The following AKAP13 variants were observed in gnomAD, a reference collection of about 807,000 sequenced individuals.
AKAP13 encodes the protein A-kinase anchor protein 13.
In AKAP13, 80 loss-of-function variants were observed where a neutral mutation model predicts 264.5. The ratio of observed to expected loss-of-function variants is 0.30; its 90% CI spans 0.25 to 0.36. AKAP13 has a LOEUF of 0.36. AKAP13 is among the 10% of genes least tolerant of loss of function. The pLI is 1.00. For synonymous variants in AKAP13, 1,380 were observed against 1,250.2 expected, an observed-to-expected ratio of 1.10 and a Z score of -2.19; for missense variants, 3,712 against 3,435.2, an observed-to-expected ratio of 1.08 and a Z score of -2.01.
rs188140468 is a variant in AKAP13 at position 85,395,961 on chromosome 15, T to C, written c.-12+15163T>C. Among the ~76,000 whole-genome samples, 33 of 152,174 alleles carry C rather than the reference T, an allele frequency of 2.2e-4. No homozygotes were observed. The East Asian group carries it at 6.4e-3, about 29-fold the overall frequency. ...CCCAGCAACAATGGCACATAATAGT[T>C]GCTTCTCAAGAAATATATGGGTTGA... is the stretch of plus-strand genomic sequence containing the variant. On this transcript the variant is annotated intron_variant, in intron 1 of 36. Coordinates refer to ENST00000394518, the MANE Select transcript of AKAP13 (RefSeq NM_007200.5).
At chr15:85,678,667 G>A (rs2084392386) in intron 14 of AKAP13, among the ~76,000 whole-genome samples, 1 of 152,026 alleles carries the variant, frequency 6.6e-6, no homozygotes, top group African/African-American at 2.4e-5. Flanking sequence ...TTTGAGACCA[G>A]CCTGGCCAAC....
At position 85,581,699 on chromosome 15, in the gene AKAP13, G is replaced by C. The variant is rs771211494; in HGVS notation, c.3631G>C (p.Gly1211Arg). The C allele has an allele frequency of 1.3e-5, 21 of 1,614,026 alleles. No individual in the cohort carries two copies. The highest frequency in any genetic ancestry group is 1.4e-5 in the Non-Finnish European group (17 of 1,180,036). ...AGCCCATGATGATGGGGCCCCAGCT[G>C]GTGTGAGGGAAGTCATGCGAGCCCC... ...LSAHDDGAPA[G>R]VREVMRAPPS... is the part of the protein sequence containing the mutation. The change falls in exon 7 of 37, where the codon GGT (glycine) becomes CGT (arginine). Residue 1211 changes from glycine to arginine, a missense_variant. Physicochemically the swap from Gly to Arg is moderately radical, Grantham distance 125 (BLOSUM62 -2). This residue lies in a region of AKAP13 where 2,759 missense variants were observed against 2,411.7 expected (regional missense o/e 1.14). Coordinates refer to ENST00000394518, the MANE Select transcript of AKAP13 (RefSeq NM_007200.5).
At position 85,628,524 on chromosome 15, in the gene AKAP13, C is replaced by G. The variant is rs77182755; in HGVS notation, c.4162-10850C>G. On this transcript the variant is annotated intron_variant, in intron 8 of 36. Coordinates refer to ENST00000394518, the MANE Select transcript of AKAP13 (RefSeq NM_007200.5). ...CCTAATTCAGAAGAGAGAACCTGCC[C>G]GAAAGTGTGCATCATCTCAGATCTG... 2.7e-3 allele frequency among the ~76,000 whole-genome samples: 404 copies of G among 152,268 alleles called. 10 individuals carry two copies. The East Asian group carries it at 0.069, about 26-fold the overall frequency.
intron 10 of AKAP13, among the ~76,000 whole-genome samples, chr15:85,646,612 A>G (rs2082571725): frequency 6.6e-6 from 1 of 152,206 alleles, no homozygotes; most frequent in Non-Finnish European, 1.5e-5. Flanking sequence ...AGCTCAGACT[A>G]TATGATGTCA....
intron 1 of AKAP13, among the ~76,000 whole-genome samples, chr15:85,467,252 T>C (rs561577587): frequency 1.3e-5 from 2 of 152,358 alleles, no homozygotes; most frequent in Non-Finnish European, 2.9e-5. Flanking sequence ...ATTCTAAATA[T>C]AGACCTTGCA....
intron 17 of AKAP13, among the ~76,000 whole-genome samples, chr15:85,703,877 CACAT>C (rs1472400906): frequency 6.6e-6 from 1 of 150,542 alleles, no homozygotes; most frequent in African/African-American, 2.4e-5. Context: ...TATATACACA[CACAT>C]ATATTTAATA....
At chr15:85,642,968 A>G (rs528280486) in intron 9 of AKAP13, among the ~76,000 whole-genome samples, 10 of 151,770 alleles carry the variant, frequency 6.6e-5, no homozygotes, top group Admixed American at 2.0e-4. Flanking sequence ...AGGAGAAGGA[A>G]TAGATCACAC....
At chr15:85,649,515 G>A (rs937328490) in intron 10 of AKAP13, among the ~76,000 whole-genome samples, 22 of 152,186 alleles carry the variant, frequency 1.4e-4, no homozygotes, top group African/African-American at 4.8e-4. Flanking sequence ...ATCTGTAGGC[G>A]AGACATTGCA....
intron 8 of AKAP13, among the ~76,000 whole-genome samples, chr15:85,590,387 T>A (rs2079536036): frequency 6.6e-6 from 1 of 152,222 alleles, no homozygotes; most frequent in Admixed American, 6.5e-5. Flanking sequence ...ACAGCTGAGT[T>A]CTTGTTTTCT....
At chr15:85,497,725 A>T (rs1208603707) in intron 2 of AKAP13, among the ~76,000 whole-genome samples, 1 of 152,236 alleles carries the variant, frequency 6.6e-6, no homozygotes, top group Non-Finnish European at 1.5e-5. Context: ...AGTGGCTACC[A>T]TACTGATTGC....
In AKAP13 at chr15:85,580,555, T is replaced by A. The variant is rs530323108; in HGVS notation, c.2487T>A (p.Asp829Glu). Residue 829 changes from aspartate to glutamate, a missense_variant, in exon 7 of 37, where the codon GAT becomes GAA. Physicochemically the swap from Asp to Glu is conservative, Grantham distance 45 (BLOSUM62 2). Around this residue, in one of 3 missense-constraint regions of AKAP13, gnomAD observed 2,759 missense variants for 2,411.7 expected, o/e 1.14. Transcript: ENST00000394518. Reference protein sequence around the residue: ...HTATDYRDGPDGNSNEPDTRP... With the variant: ...HTATDYRDGPEGNSNEPDTRP... ...CTACAGATTATAGAGATGGCCCAGA[T>A]GGAAATTCGAATGAGCCTGATACGC... 1.9e-6 allele frequency: 3 copies of A among 1,614,144 alleles called. No homozygotes were observed. The African/African-American group carries it at 4.0e-5, about 22-fold the overall frequency.
chr15:85,484,116 G>C (rs1208588459), intron 1 of AKAP13, among the ~76,000 whole-genome samples: 1 of 152,138 alleles, frequency 6.6e-6, no homozygotes, highest in African/African-American at 2.4e-5. Flanking sequence ...TCCTAGGCAA[G>C]TCTGAGCAGG....
At position 85,557,633 on chromosome 15, in the gene AKAP13, C is replaced by G. The variant is rs1033307798; in HGVS notation, c.662+13678C>G. ...GCACGCACCACCACTAACTAACGCA[C>G]CTGGCTAACTTTTGAAAATTTTGTG... On this transcript the variant is annotated intron_variant, in intron 5 of 36. Coordinates refer to ENST00000394518, the MANE Select transcript of AKAP13 (RefSeq NM_007200.5). Among the ~76,000 whole-genome samples the G allele has an allele frequency of 3.4e-4, 52 of 152,026 alleles. 1 individual carries two copies. Among genetic ancestry groups the G allele is most frequent in the Non-Finnish European group, 4.4e-5 (3 of 68,008 alleles).
rs1354012008 is a variant in AKAP13, at chr15:85,399,547, TA to T, written c.-12+18752del. Among the ~76,000 whole-genome samples the T allele has an allele frequency of 7.3e-3, 978 of 134,296 alleles. 9 individuals are homozygous for T. The highest frequency in any genetic ancestry group is 0.012 in the Non-Finnish European group (730 of 62,012). The allele number at this position is 134,296 out of a possible 152,430, so 88.1% of individuals were successfully genotyped here. Reference sequence around the variant, plus strand: ...ATAAAAAAATAAAAAAATAAATAAATAAATAAATAAAGTTTTAGATGCCATA... The same window carrying T: ...ATAAAAAAATAAAAAAATAAATAAATAATAAATAAAGTTTTAGATGCCATA... On this transcript the variant is annotated intron_variant, in intron 1 of 36. Transcript: ENST00000394518.
intron 2 of AKAP13, among the ~76,000 whole-genome samples, chr15:85,493,721 A>G (rs1223239153): frequency 1.3e-5 from 2 of 152,192 alleles, no homozygotes; most frequent in Admixed American, 6.5e-5. Flanking sequence ...TTTTATGAAC[A>G]TAGTACATGC....
At chr15:85,678,048 T>A (rs574178824) in intron 14 of AKAP13, among the ~76,000 whole-genome samples, 4 of 152,340 alleles carry the variant, frequency 2.6e-5, no homozygotes, top group East Asian at 1.9e-4. Flanking sequence ...ACATTCTTAC[T>A]TGATAATGCC....
intron 1 of AKAP13, among the ~76,000 whole-genome samples, chr15:85,463,806 CT>C (rs546749750): frequency 2.4e-3 from 343 of 144,298 alleles, no homozygotes; most frequent in East Asian, 5.2e-3. Flanking sequence ...TGGGTCTTTA[CT>C]TTTTTTTTTT....
At chr15:85,503,550 C>G (rs1439863866) in intron 2 of AKAP13, among the ~76,000 whole-genome samples, 1 of 152,172 alleles carries the variant, frequency 6.6e-6, no homozygotes, top group Non-Finnish European at 1.5e-5. Context: ...AGAGGTGATT[C>G]AACTTGACCT....
intron 1 of AKAP13, among the ~76,000 whole-genome samples, chr15:85,453,736 G>A (rs1346160299): frequency 6.6e-6 from 1 of 152,062 alleles, no homozygotes; most frequent in Non-Finnish European, 1.5e-5. Flanking sequence ...CACCCAAACA[G>A]CAAAGATGGT....
Sources: gnomAD v4.1 joint callset for allele counts (sites outside exome capture counted in the v4.1 genomes callset) on GRCh38, gnomAD v4.1.1 for gene constraint, gnomAD v4.1.1 regional missense constraint, MANE v1.5 for transcripts, NCBI Gene and HGNC (gene_info 2026-07-23, HGNC 2026-07-21) for gene names.